The following TLN2 variants were observed in gnomAD, a reference collection of about 807,000 sequenced individuals.
The protein encoded by TLN2 is talin-2.
A neutral mutation model predicts 294.7 loss-of-function variants in TLN2; 118 were observed. The ratio of observed to expected loss-of-function variants is 0.40; its 90% CI spans 0.34 to 0.47. The LOEUF (loss-of-function observed/expected upper bound fraction) is 0.47, where lower values mean the gene tolerates loss of function less well. TLN2 is among the 20% of genes least tolerant of loss of function. The pLI, the probability that TLN2 is intolerant of heterozygous loss-of-function variation, is 0.84. For synonymous variants in TLN2, 1,431 were observed against 1,304.5 expected (o/e 1.10, Z -2.09); for missense variants, 3,083 against 3,282.2 (o/e 0.94, Z 1.48).
chr15:62,491,212 C>T (rs2038687430), intron 1 of TLN2, among the ~76,000 whole-genome samples: 1 of 151,888 alleles, frequency 6.6e-6, no homozygotes, highest in Non-Finnish European at 1.5e-5. Flanking sequence ...ATCCCAGCTA[C>T]TTGGGAGGCT....
At chr15:62,399,168 C>T (rs2032803006) in intron 1 of TLN2, among the ~76,000 whole-genome samples, 1 of 143,012 alleles carries the variant, frequency 7.0e-6, no homozygotes, top group South Asian at 2.3e-4. Flanking sequence ...GTTTGGGAAC[C>T]TCTGCCTAGA....
At chr15:62,790,772 A>G (rs1402736215) in intron 45 of TLN2, among the ~76,000 whole-genome samples, 1 of 152,190 alleles carries the variant, frequency 6.6e-6, no homozygotes, top group East Asian at 1.9e-4. Context: ...TTATTTTCAA[A>G]CCAACAAACA....
At chr15:62,714,429 C>T (rs947909494) in intron 22 of TLN2, among the ~76,000 whole-genome samples, 3 of 151,928 alleles carry the variant, frequency 2.0e-5, no homozygotes, top group Non-Finnish European at 2.9e-5. Flanking sequence ...GTCTCGATCT[C>T]CTGACCTTGT....
chr15:62,487,110 T>G (rs1022588472), intron 1 of TLN2, among the ~76,000 whole-genome samples: 2 of 152,202 alleles, frequency 1.3e-5, no homozygotes, highest in Non-Finnish European at 2.9e-5. Context: ...CATGGAAAAG[T>G]CTCCTCCTAG....
intron 1 of TLN2, among the ~76,000 whole-genome samples, chr15:62,499,595 G>A (rs767200877): frequency 2.6e-5 from 4 of 152,242 alleles, no homozygotes; most frequent in South Asian, 4.1e-4. Context: ...CCTTAAATTA[G>A]CAAGGTTTCT....
intron 3 of TLN2, among the ~76,000 whole-genome samples, chr15:62,629,839 A>G (rs1222741895): frequency 1.3e-5 from 2 of 152,238 alleles, no homozygotes; most frequent in African/African-American, 4.8e-5. Flanking sequence ...GTAAAGCCCC[A>G]GGCAGCAGTT....
At chr15:62,636,381 C>G (rs952676380) in intron 3 of TLN2, among the ~76,000 whole-genome samples, 1 of 152,096 alleles carries the variant, frequency 6.6e-6, no homozygotes, top group African/African-American at 2.4e-5. Context: ...CCAGTTTGGT[C>G]TGTGACTGCT....
intron 1 of TLN2, among the ~76,000 whole-genome samples, chr15:62,482,046 C>T (rs1391441611): frequency 6.6e-6 from 1 of 152,066 alleles, no homozygotes; most frequent in Admixed American, 6.5e-5. Flanking sequence ...ATCCACCTGC[C>T]TCAGCCTCCC....
At chr15:62,427,940 G>T (rs1289890501) in intron 1 of TLN2, among the ~76,000 whole-genome samples, 1 of 152,182 alleles carries the variant, frequency 6.6e-6, no homozygotes, top group Non-Finnish European at 1.5e-5. Context: ...CTTCTTTGTA[G>T]AGGGACTTAT....
At chr15:62,665,118 G>A (rs2054446644) in intron 9 of TLN2, among the ~76,000 whole-genome samples, 1 of 152,028 alleles carries the variant, frequency 6.6e-6, no homozygotes, top group Admixed American at 6.6e-5. Context: ...TGTCACCCAG[G>A]CTGGAGTGCA....
intron 1 of TLN2, among the ~76,000 whole-genome samples, chr15:62,589,199 G>A (rs569956962): frequency 6.6e-6 from 1 of 152,104 alleles, no homozygotes; most frequent in Non-Finnish European, 1.5e-5. Flanking sequence ...CATGGAGCAA[G>A]TTCCCAGTGC....
At chr15:62,646,368 G>A (rs111663201) in intron 3 of TLN2, among the ~76,000 whole-genome samples, 37 of 152,158 alleles carry the variant, frequency 2.4e-4, no homozygotes, top group African/African-American at 8.2e-4. Context: ...TCACCATGTT[G>A]GACAGGCTGT....
intron 2 of TLN2, among the ~76,000 whole-genome samples, chr15:62,593,392 A>G (rs1320331303): frequency 6.6e-6 from 1 of 152,202 alleles, no homozygotes; most frequent in African/African-American, 2.4e-5. Context: ...TAAATGTTTC[A>G]GAACAACAAT....
At chr15:62,748,066 A>G (rs2061713287) in intron 32 of TLN2, among the ~76,000 whole-genome samples, 1 of 152,112 alleles carries the variant, frequency 6.6e-6, no homozygotes, top group African/African-American at 2.4e-5. Flanking sequence ...AAACCCACCT[A>G]TAAGCAGATT....
intron 25 of TLN2, among the ~76,000 whole-genome samples, chr15:62,720,648 GGTGTGTGTGTGTGTGTGTGTGT>G (rs5813167): frequency 6.7e-6 from 1 of 149,098 alleles, no homozygotes; most frequent in South Asian, 2.2e-4. Context: ...ATACAACACA[GGTGTGTGTGTGTGTGTGTGTGT>G]GTGTGTGTGT....
intron 45 of TLN2, 137 bp downstream of exon 45, chr15:62,784,027 C>CTGTGCAGTGGTGGGG: frequency 6.9e-7 from 1 of 1,449,856 alleles, no homozygotes; most frequent in Non-Finnish European, 9.4e-7. Context: ...CCCACCACTG[C>CTGTGCAGTGGTGGGG]ACAGCACAGG....
At chr15:62,537,811 G>A (rs1242602023) in intron 1 of TLN2, among the ~76,000 whole-genome samples, 1 of 152,156 alleles carries the variant, frequency 6.6e-6, no homozygotes, top group African/African-American at 2.4e-5. Context: ...GGTCTCAATA[G>A]CCCAGTTCAA....
chr15:62,615,435 C>A (rs541839882), intron 2 of TLN2, among the ~76,000 whole-genome samples: 1 of 152,344 alleles, frequency 6.6e-6, no homozygotes, highest in South Asian at 2.1e-4. Context: ...GGGTGCAGCC[C>A]ACCCACTCAG....
intron 55 of TLN2, chr15:62,834,301 C>T (rs2069220701): frequency 6.6e-6 from 1 of 152,174 alleles, no homozygotes; most frequent in African/African-American, 2.4e-5. Context: ...GCATGCTATC[C>T]ACGACTGGCT....
Sources: gnomAD v4.1 joint callset for allele counts (sites outside exome capture counted in the v4.1 genomes callset) on GRCh38, gnomAD v4.1.1 for gene constraint, MANE v1.5 for transcripts, NCBI Gene and HGNC (gene_info 2026-07-23, HGNC 2026-07-21) for gene names.